The following AFG2A variants were observed in gnomAD, a reference collection of about 807,000 sequenced individuals.
The protein encoded by AFG2A is ATPase family gene 2 protein homolog A.
chr4:123,090,057 TA>T, the AFG2A span, among the ~76,000 whole-genome samples: 1 of 152,232 alleles, frequency 6.6e-6, no homozygotes, highest in African/African-American at 2.4e-5. Context: ...TTGTGGTGAT[TA>T]CCTACCTTCT....
the AFG2A span, among the ~76,000 whole-genome samples, chr4:123,050,439 C>G: frequency 6.6e-6 from 1 of 152,258 alleles, no homozygotes; most frequent in South Asian, 2.1e-4. Flanking sequence ...TGCAGTCTGT[C>G]TCTCTCGAGA....
At chr4:123,127,644 G>T in the AFG2A span, among the ~76,000 whole-genome samples, 2 of 152,066 alleles carry the variant, frequency 1.3e-5, no homozygotes, top group Non-Finnish European at 2.9e-5. Context: ...ACTTTACATA[G>T]AAATTTGTTT....
the AFG2A span, among the ~76,000 whole-genome samples, chr4:122,998,851 G>C: frequency 6.6e-6 from 1 of 152,148 alleles, no homozygotes; most frequent in Non-Finnish European, 1.5e-5. Context: ...TGGGTCAAAT[G>C]GTATTTCTAG....
chr4:122,960,871 G>T, the AFG2A span, among the ~76,000 whole-genome samples: 1 of 152,054 alleles, frequency 6.6e-6, no homozygotes, highest in Non-Finnish European at 1.5e-5. Context: ...TCTTATGAAA[G>T]GTTCTGTTTC....
the AFG2A span, among the ~76,000 whole-genome samples, chr4:123,263,129 A>G: frequency 1.4e-4 from 21 of 152,342 alleles, no homozygotes; most frequent in Admixed American, 1.2e-3. Context: ...ATGGAAAACC[A>G]TTGAAAAATG....
At chr4:123,219,042 C>T in the AFG2A span, among the ~76,000 whole-genome samples, 1 of 152,164 alleles carries the variant, frequency 6.6e-6, no homozygotes, top group Non-Finnish European at 1.5e-5. Context: ...ACTGTGAAGT[C>T]CCATGATAGG....
the AFG2A span, among the ~76,000 whole-genome samples, chr4:122,961,929 G>T: frequency 6.6e-6 from 1 of 152,176 alleles, no homozygotes; most frequent in Non-Finnish European, 1.5e-5. Flanking sequence ...GTCCAATTCA[G>T]TGGTCCCCAA....
the AFG2A span, among the ~76,000 whole-genome samples, chr4:122,973,419 G>A: frequency 1.4e-5 from 2 of 146,756 alleles, no homozygotes; most frequent in Non-Finnish European, 3.0e-5. Flanking sequence ...AAAATACTTA[G>A]GTTTAATGTA....
chr4:123,195,571 T>A, the AFG2A span, among the ~76,000 whole-genome samples: 9 of 152,226 alleles, frequency 5.9e-5, no homozygotes, highest in Non-Finnish European at 4.4e-5. Context: ...ATTATAAAAC[T>A]GATATAAAAT....
the AFG2A span, among the ~76,000 whole-genome samples, chr4:123,078,568 AAAAT>A: frequency 6.6e-6 from 1 of 152,224 alleles, no homozygotes; most frequent in African/African-American, 2.4e-5. Context: ...AACTAATTTT[AAAAT>A]AAATGGTCAC....
chr4:122,999,013 G>A, the AFG2A span, among the ~76,000 whole-genome samples: 2 of 151,930 alleles, frequency 1.3e-5, no homozygotes, highest in Admixed American at 1.3e-4. Flanking sequence ...TCTAACTGGT[G>A]TGAGATGGTA....
the AFG2A span, among the ~76,000 whole-genome samples, chr4:122,974,903 G>T: frequency 6.6e-6 from 1 of 152,052 alleles, no homozygotes; most frequent in Non-Finnish European, 1.5e-5. Context: ...GCCTCCCAAA[G>T]TGGTGGGATT....
chr4:123,161,027 A>C, the AFG2A span, among the ~76,000 whole-genome samples: 2 of 152,206 alleles, frequency 1.3e-5, no homozygotes, highest in Non-Finnish European at 2.9e-5. Context: ...TGGGCAGCTG[A>C]AACTGCGGAA....
the AFG2A span, among the ~76,000 whole-genome samples, chr4:123,055,683 T>A: frequency 6.6e-6 from 1 of 152,126 alleles, no homozygotes; most frequent in African/African-American, 2.4e-5. Flanking sequence ...TGTGTGTATG[T>A]GTTTGTGCAT....
At chr4:123,180,444 AAATCC>A in the AFG2A span, among the ~76,000 whole-genome samples, 1 of 152,182 alleles carries the variant, frequency 6.6e-6, no homozygotes. Context: ...ACTGATATCT[AAATCC>A]CTGATGTTTC....
the AFG2A span, among the ~76,000 whole-genome samples, chr4:123,042,102 A>G: frequency 1.3e-5 from 2 of 152,164 alleles, no homozygotes; most frequent in Admixed American, 1.3e-4. Flanking sequence ...ATCTATTACC[A>G]TATTATCATA....
chr4:123,251,755 A>G, the AFG2A span, among the ~76,000 whole-genome samples: 1 of 152,134 alleles, frequency 6.6e-6, no homozygotes, highest in African/African-American at 2.4e-5. Flanking sequence ...CATGATTGAA[A>G]TGGAGTTTTG....
At chr4:123,060,269 T>A in the AFG2A span, among the ~76,000 whole-genome samples, 4 of 152,328 alleles carry the variant, frequency 2.6e-5, no homozygotes, top group East Asian at 5.8e-4. Flanking sequence ...GTGGCTCTTT[T>A]CTCACAGCTC....
chr4:123,092,518 G>A, the AFG2A span, among the ~76,000 whole-genome samples: 1 of 152,126 alleles, frequency 6.6e-6, no homozygotes, highest in Non-Finnish European at 1.5e-5. Flanking sequence ...GTCTGACTTG[G>A]CCTGTTTAGT....
Sources: gnomAD v4.1 joint callset for allele counts (sites outside exome capture counted in the v4.1 genomes callset) on GRCh38, gnomAD v4.1.1 for gene constraint, MANE v1.5 for transcripts, NCBI Gene and HGNC (gene_info 2026-07-23, HGNC 2026-07-21) for gene names.